COL4A2: variants seen among roughly 807,000 people sequenced by gnomAD.
COL4A2 encodes the protein collagen type IV alpha 2 chain.
A neutral mutation model predicts 200.2 loss-of-function variants in COL4A2; 99 were observed. The observed-to-expected ratio is 0.49, with a 90% CI of 0.42 to 0.58. The LOEUF (loss-of-function observed/expected upper bound fraction) is 0.58. COL4A2 is among the 20% of genes least tolerant of loss of function. The pLI is 0.00. For missense variants in COL4A2, 1,950 were observed against 2,314.1 expected (o/e 0.84, Z 3.23); for synonymous variants, 897 against 900.6 (o/e 1.00, Z 0.07).
chr13:110,419,684 T>C (rs1880175283), intron 4 of COL4A2, among the ~76,000 whole-genome samples: 1 of 152,220 alleles, frequency 6.6e-6, no homozygotes, highest in Non-Finnish European at 1.5e-5. Context: ...CTTTTCAGAC[T>C]GCAGCTTCCA....
At position 110,503,860 on chromosome 13, in the gene COL4A2, T is replaced by C. The variant is rs773593440; in HGVS notation, c.4152T>C (p.Thr1384=). The C allele has an allele frequency of 3.7e-6, 6 of 1,613,932 alleles. No individual in the cohort carries two copies. The highest frequency in any genetic ancestry group is 2.7e-5 in the African/African-American group (2 of 75,042). Residue 1384 remains threonine (T), a synonymous_variant, in exon 44 of 48, where the codon ACT becomes ACC. Coordinates refer to ENST00000360467, the MANE Select transcript of COL4A2 (RefSeq NM_001846.4). The part of the protein sequence containing the change: ...GDPGFPGAPG[T]VGAPGIAGIP... ...TTTCCCTTCCAGGTGCCCCCGGGACTGTGGGAGCCCCCGGGATTGCAGGAA... is the reference window on the plus strand; with the variant it reads ...TTTCCCTTCCAGGTGCCCCCGGGACCGTGGGAGCCCCCGGGATTGCAGGAA...
chr13:110,310,713 G>A (rs1181736307), intron 3 of COL4A2, among the ~76,000 whole-genome samples: 4 of 152,024 alleles, frequency 2.6e-5, no homozygotes, highest in Middle Eastern at 3.4e-3. Context: ...AAGGGCTGCC[G>A]CTGGGAGCCC....
rs138067312 is a variant in COL4A2, at chr13:110,362,130, G to C, written c.180+4578G>C. Among the ~76,000 whole-genome samples the C allele has an allele frequency of 1.8e-3, 272 of 152,266 alleles. 2 individuals are homozygous for C. In the Middle Eastern group the frequency reaches 0.024, roughly 13 times the overall value. ...CAGCGTGAGAAGAGAGTTTCCCCTC[G>C]TTATGCAAGAGTTATGGTTCCCTAG... On this transcript the variant is annotated intron_variant, in intron 4 of 47. Transcript: ENST00000360467.
intron 4 of COL4A2, among the ~76,000 whole-genome samples, chr13:110,408,280 C>T (rs1398976956): frequency 6.6e-6 from 1 of 152,208 alleles, no homozygotes; most frequent in African/African-American, 2.4e-5. Context: ...AGTGGCATTG[C>T]AGGCCCTTGA....
intron 3 of COL4A2, among the ~76,000 whole-genome samples, chr13:110,352,158 G>A (rs1043667615): frequency 6.6e-6 from 1 of 152,224 alleles, no homozygotes; most frequent in Non-Finnish European, 1.5e-5. Flanking sequence ...AGGCCTGGAG[G>A]TTAGGGGTAG....
At position 110,424,738 on chromosome 13, in the gene COL4A2, A is replaced by G; in HGVS notation, c.185A>G (p.Gln62Arg). 1 of 1,602,142 alleles carries G rather than the reference A, an allele frequency of 6.2e-7. No homozygotes were observed. Among genetic ancestry groups the G allele is most frequent in the Non-Finnish European group, 8.5e-7 (1 of 1,171,712 alleles). ...GAACCTTTGTTGTTCCCACAGGGTCAGCCTGGGCCAGTGGGCCCCCAGGGG... is the reference window on the plus strand; with the variant it reads ...GAACCTTTGTTGTTCCCACAGGGTCGGCCTGGGCCAGTGGGCCCCCAGGGG... ...QCYPEKGGRG[Q>R]PGPVGPQGYN... The change falls in exon 5 of 48, where the codon CAG becomes CGG. Residue 62 changes from glutamine (Q) to arginine (R), a missense_variant. Transcript: ENST00000360467.
intron 3 of COL4A2, among the ~76,000 whole-genome samples, chr13:110,350,681 T>C (rs1876917943): frequency 6.6e-6 from 1 of 152,194 alleles, no homozygotes. Context: ...TCCGACCACC[T>C]AGTGTAGGGC....
At chr13:110,378,733 C>G (rs1197253113) in intron 4 of COL4A2, among the ~76,000 whole-genome samples, 1 of 152,248 alleles carries the variant, frequency 6.6e-6, no homozygotes, top group East Asian at 1.9e-4. Context: ...TCCCTGCAGA[C>G]AGCATTTGAA....
intron 3 of COL4A2, among the ~76,000 whole-genome samples, chr13:110,322,615 G>C (rs1316355816): frequency 6.6e-6 from 1 of 152,178 alleles, no homozygotes; most frequent in Non-Finnish European, 1.5e-5. Flanking sequence ...CTTCCCCATG[G>C]CTTCACCAAA....
At chr13:110,493,598 C>T (rs1316990330) in intron 39 of COL4A2, among the ~76,000 whole-genome samples, 2 of 152,178 alleles carry the variant, frequency 1.3e-5, no homozygotes, top group South Asian at 2.1e-4. Flanking sequence ...TGCACCTGCG[C>T]CCCTCAGGTG....
chr13:110,452,793 C>T (rs1460962377), intron 20 of COL4A2, among the ~76,000 whole-genome samples: 6 of 151,750 alleles, frequency 4.0e-5, no homozygotes, highest in African/African-American at 1.5e-4. Flanking sequence ...GACAGGGTCT[C>T]GCTCTGTATC....
intron 4 of COL4A2, among the ~76,000 whole-genome samples, chr13:110,404,565 C>T (rs1488648853): frequency 6.6e-6 from 1 of 152,126 alleles, no homozygotes; most frequent in African/African-American, 2.4e-5. Context: ...AAGGAGGAGC[C>T]GCCAAGGCTC....
chr13:110,405,764 A>G (rs1476517576), intron 4 of COL4A2, among the ~76,000 whole-genome samples: 1 of 152,156 alleles, frequency 6.6e-6, no homozygotes, highest in African/African-American at 2.4e-5. Flanking sequence ...GGGGTTTTCT[A>G]AGAGGGGAGA....
At chr13:110,344,798 G>A (rs1375441856) in intron 3 of COL4A2, among the ~76,000 whole-genome samples, 2 of 152,150 alleles carry the variant, frequency 1.3e-5, no homozygotes, top group African/African-American at 2.4e-5. Flanking sequence ...CCCCTTCTAT[G>A]AAACTATGCC....
chr13:110,330,393 G>A (rs967252571), intron 3 of COL4A2, among the ~76,000 whole-genome samples: 1 of 152,104 alleles, frequency 6.6e-6, no homozygotes, highest in African/African-American at 2.4e-5. Context: ...AAGCTGGGAG[G>A]CGCGGGGTGG....
chr13:110,412,517 C>T (rs1051374001), intron 4 of COL4A2, among the ~76,000 whole-genome samples: 6 of 152,182 alleles, frequency 3.9e-5, no homozygotes, highest in African/African-American at 1.2e-4. Context: ...AAAAACGTGT[C>T]TTTTTTGGAC....
intron 4 of COL4A2, among the ~76,000 whole-genome samples, chr13:110,362,488 A>G (rs1566493740): frequency 6.8e-6 from 1 of 146,150 alleles, no homozygotes; most frequent in Non-Finnish European, 1.5e-5. Context: ...TGATTTTTGT[A>G]TTTTTTTTTT....
chr13:110,443,428 CCT>C (rs1881210283), intron 16 of COL4A2, among the ~76,000 whole-genome samples: 2 of 152,266 alleles, frequency 1.3e-5, no homozygotes, highest in Admixed American at 6.5e-5. Context: ...TCAGCTAGTC[CCT>C]GAGGACTTCT....
At chr13:110,473,539 A>C in intron 29 of COL4A2, 1 of 192,196 alleles carries the variant, frequency 5.2e-6, no homozygotes, top group East Asian at 1.3e-4. Context: ...GGAAAATAGA[A>C]ATAATCTGGA....
Sources: gnomAD v4.1 joint callset for allele counts (sites outside exome capture counted in the v4.1 genomes callset) on GRCh38, gnomAD v4.1.1 for gene constraint, MANE v1.5 for transcripts, NCBI Gene and HGNC (gene_info 2026-07-23, HGNC 2026-07-21) for gene names.